ARHGAP28: variants seen among roughly 807,000 people sequenced by gnomAD.
ARHGAP28 encodes the protein Rho GTPase activating protein 28.
In ARHGAP28, 56 loss-of-function variants were observed where a neutral mutation model predicts 90.7. The ratio of observed to expected loss-of-function variants is 0.62; its 90% CI spans 0.50 to 0.77. ARHGAP28 has a LOEUF of 0.77. ARHGAP28 is among the 30% of genes least tolerant of loss of function. The probability of loss-of-function intolerance (pLI) is 0.00; values close to 1 mark genes in which losing one functional copy is unlikely to be tolerated. For synonymous variants in ARHGAP28, 308 were observed against 323.3 expected (o/e 0.95, Z 0.51); for missense variants, 869 against 900.9 (o/e 0.96, Z 0.45).
chr18:6,854,925 G>A (rs773129793), intron 4 of ARHGAP28, among the ~76,000 whole-genome samples: 1 of 152,204 alleles, frequency 6.6e-6, no homozygotes, highest in Non-Finnish European at 1.5e-5. Context: ...CCCGGGCGCT[G>A]TTGCAACCCC....
intron 2 of ARHGAP28, among the ~76,000 whole-genome samples, chr18:6,827,526 C>T (rs2056678018): frequency 6.9e-6 from 1 of 145,118 alleles, no homozygotes; most frequent in South Asian, 2.2e-4. Context: ...GACGGGGCGG[C>T]TGACCGGGCG....
intron 1 of ARHGAP28, among the ~76,000 whole-genome samples, chr18:6,782,040 A>G (rs2056328248): frequency 6.6e-6 from 1 of 152,066 alleles, no homozygotes; most frequent in Non-Finnish European, 1.5e-5. Context: ...TTATCCTGGC[A>G]GAGAGCACCC....
intron 1 of ARHGAP28, among the ~76,000 whole-genome samples, chr18:6,750,145 A>G (rs1475245861): frequency 6.6e-6 from 1 of 152,110 alleles, no homozygotes; most frequent in Non-Finnish European, 1.5e-5. Context: ...AGTGCTTCCT[A>G]TAAAGCAAGC....
At chr18:6,911,008 C>T (rs1161964344) in intron 17 of ARHGAP28, among the ~76,000 whole-genome samples, 1 of 152,042 alleles carries the variant, frequency 6.6e-6, no homozygotes, top group Non-Finnish European at 1.5e-5. Context: ...CCACGCCCGG[C>T]TAATTTTGCT....
intron 6 of ARHGAP28, 47 bp from the exon 7 acceptor site, chr18:6,870,543 G>A (rs754260607): frequency 6.6e-7 from 1 of 1,503,822 alleles, no homozygotes; most frequent in South Asian, 1.2e-5. Flanking sequence ...AGTATTGATT[G>A]ATTAAATAGC....
At chr18:6,839,589 GC>G (rs1472483025) in intron 3 of ARHGAP28, among the ~76,000 whole-genome samples, 2 of 152,128 alleles carry the variant, frequency 1.3e-5, no homozygotes, top group South Asian at 2.1e-4. Context: ...GAGCCACTGC[GC>G]CCGGCCATAA....
chr18:6,855,797 G>T (rs2056948408), intron 4 of ARHGAP28, among the ~76,000 whole-genome samples: 1 of 152,156 alleles, frequency 6.6e-6, no homozygotes, highest in Non-Finnish European at 1.5e-5. Flanking sequence ...ATTCCCTGGT[G>T]CCCACAGTGG....
chr18:6,735,547 G>A (rs1181402082), intron 1 of ARHGAP28, among the ~76,000 whole-genome samples: 1 of 146,364 alleles, frequency 6.8e-6, no homozygotes, highest in Non-Finnish European at 1.5e-5. Flanking sequence ...TTAAATTAAG[G>A]TTATGCTGTT....
chr18:6,830,628 T>C (rs1567962319), intron 2 of ARHGAP28, among the ~76,000 whole-genome samples: 1 of 152,328 alleles, frequency 6.6e-6, no homozygotes, highest in African/African-American at 2.4e-5. Context: ...ACTTCATCCA[T>C]GTCCCTGCAA....
chr18:6,870,822 C>T (rs143540725), intron 7 of ARHGAP28, 90 bp downstream of exon 7: 14,397 of 1,339,014 alleles, frequency 0.011, 99 homozygotes, highest in Non-Finnish European at 0.013. Context: ...TTTTTTGAGA[C>T]GGAGTCTCGC....
At chr18:6,882,064 C>A in intron 10 of ARHGAP28, 73 bp from the exon 11 acceptor site, 1 of 1,412,728 alleles carries the variant, frequency 7.1e-7, no homozygotes, top group Admixed American at 2.2e-5. Flanking sequence ...TATATAAGAA[C>A]AGTTTTCGAA....
chr18:6,798,658 A>G (rs2056459941), intron 1 of ARHGAP28, among the ~76,000 whole-genome samples: 2 of 152,208 alleles, frequency 1.3e-5, no homozygotes, highest in Admixed American at 1.3e-4. Flanking sequence ...AGAGACACCC[A>G]CAGTGATATA....
intron 6 of ARHGAP28, among the ~76,000 whole-genome samples, chr18:6,869,553 G>A (rs1218326550): frequency 6.6e-6 from 1 of 152,072 alleles, no homozygotes; most frequent in Non-Finnish European, 1.5e-5. Flanking sequence ...GAGCCACTGT[G>A]CCTGGCGTCC....
chr18:6,912,316 GC>G lies in ARHGAP28; in HGVS notation c.*164del, dbSNP rs199600395. 611 of 421,826 alleles carry G rather than the reference GC, an allele frequency of 1.4e-3. 4 individuals carry two copies. Among genetic ancestry groups the G allele is most frequent in the African/African-American group, 0.011 (558 of 49,154 alleles). 26.1% of individuals were successfully genotyped at this position (421,826 alleles called of 1,614,324 possible). A position where few individuals can be genotyped will look rare whatever the true frequency, so the allele number is the denominator to read the frequency against. Reference sequence around the variant, plus strand: ...TGTAAGCATGAACTATGGAAGAGGCGCCGGTTCACCAATTCAACTGAAGCTT... The same window carrying G: ...TGTAAGCATGAACTATGGAAGAGGCGCGGTTCACCAATTCAACTGAAGCTT... On this transcript the variant is annotated 3_prime_UTR_variant, in exon 18 of 18. Coordinates refer to ENST00000383472, the MANE Select transcript of ARHGAP28 (RefSeq NM_001366230.1).
At chr18:6,856,512 G>T (rs1314269948) in intron 4 of ARHGAP28, among the ~76,000 whole-genome samples, 2 of 151,894 alleles carry the variant, frequency 1.3e-5, no homozygotes, top group African/African-American at 2.4e-5. Flanking sequence ...TTGTGTTTTT[G>T]TTTTTTTGTG....
At position 6,794,063 on chromosome 18, in the gene ARHGAP28, A is replaced by C. The variant is rs79461998; in HGVS notation, c.123-30699A>C. On this transcript the variant is annotated intron_variant, in intron 1 of 17. Coordinates refer to ENST00000383472, the MANE Select transcript of ARHGAP28 (RefSeq NM_001366230.1). ...TAAACAATATTTCTCATTAAGAAAA[A>C]GTGTATGGCGTGCAGTTCTAGGCTT... is the stretch of plus-strand genomic sequence containing the variant. Among the ~76,000 whole-genome samples, 1,448 of 152,302 alleles carry C rather than the reference A, an allele frequency of 9.5e-3. 21 individuals carry two copies. Among genetic ancestry groups the C allele is most frequent in the African/African-American group, 0.032 (1,340 of 41,556 alleles).
chr18:6,801,315 TAAC>T (rs1001927896), intron 1 of ARHGAP28, among the ~76,000 whole-genome samples: 2 of 152,214 alleles, frequency 1.3e-5, no homozygotes, highest in Admixed American at 6.6e-5. Flanking sequence ...GAAAATTAAT[TAAC>T]AACATATGTG....
intron 3 of ARHGAP28, among the ~76,000 whole-genome samples, chr18:6,841,523 T>A (rs1263003086): frequency 5.9e-5 from 9 of 151,708 alleles, no homozygotes; most frequent in African/African-American, 9.7e-5. Flanking sequence ...TATAAGTATT[T>A]ATCTTATATT....
chr18:6,771,480 G>GT (rs2056242442), intron 1 of ARHGAP28, among the ~76,000 whole-genome samples: 1 of 152,170 alleles, frequency 6.6e-6, no homozygotes, highest in Non-Finnish European at 1.5e-5. Flanking sequence ...TATTTCACAA[G>GT]CAAAGCAAGA....
Sources: gnomAD v4.1 joint callset for allele counts (sites outside exome capture counted in the v4.1 genomes callset) on GRCh38, gnomAD v4.1.1 for gene constraint, MANE v1.5 for transcripts, NCBI Gene and HGNC (gene_info 2026-07-23, HGNC 2026-07-21) for gene names.